ADGRL3: variants seen among roughly 807,000 people sequenced by gnomAD.
The protein encoded by ADGRL3 is calcium-independent alpha-latrotoxin receptor 3.
A neutral mutation model predicts 153.5 loss-of-function variants in ADGRL3; 62 were observed. That is an observed-to-expected ratio of 0.40 (90% CI 0.33 to 0.50). The LOEUF is 0.50. ADGRL3 is among the 20% of genes least tolerant of loss of function. The probability of loss-of-function intolerance (pLI) is 0.47; values close to 1 mark genes in which losing one functional copy is unlikely to be tolerated. For synonymous variants in ADGRL3, 710 were observed against 672.5 expected (o/e 1.06, Z -0.86); for missense variants, 1,641 against 1,859.4 (o/e 0.88, Z 2.16).
chr4:61,379,269 C>G (rs1321888310), intron 1 of ADGRL3, among the ~76,000 whole-genome samples: 1 of 151,812 alleles, frequency 6.6e-6, no homozygotes. Context: ...GGTGGACTGT[C>G]GTAAATGTGA....
intron 8 of ADGRL3, among the ~76,000 whole-genome samples, chr4:61,763,635 A>C (rs2096939308): frequency 6.6e-6 from 1 of 152,130 alleles, no homozygotes; most frequent in South Asian, 2.1e-4. Context: ...TAGTTTCTTT[A>C]TACTGTATAA....
intron 5 of ADGRL3, among the ~76,000 whole-genome samples, chr4:61,612,397 GC>G: frequency 6.6e-6 from 1 of 152,220 alleles, no homozygotes; most frequent in Middle Eastern, 3.4e-3. Context: ...AGGCTCACCA[GC>G]CACTAGATGG....
At chr4:61,427,481 G>A (rs756142900) in intron 2 of ADGRL3, 4 of 153,418 alleles carry the variant, frequency 2.6e-5, no homozygotes, top group Non-Finnish European at 4.4e-5. Context: ...AAGCATCCAG[G>A]TAGATAGGGG....
chr4:61,209,057 T>C (rs926180873), intron 1 of ADGRL3, among the ~76,000 whole-genome samples: 2 of 152,192 alleles, frequency 1.3e-5, no homozygotes, highest in African/African-American at 4.8e-5. Flanking sequence ...AAGTTATAGA[T>C]GTATTTATAA....
intron 6 of ADGRL3, among the ~76,000 whole-genome samples, chr4:61,729,185 G>A (rs2096398889): frequency 6.6e-6 from 1 of 151,722 alleles, no homozygotes; most frequent in African/African-American, 2.4e-5. Flanking sequence ...ACCTGTACAT[G>A]TACCCCCGAT....
intron 1 of ADGRL3, among the ~76,000 whole-genome samples, chr4:61,374,837 A>T (rs2096584870): frequency 6.6e-6 from 1 of 151,914 alleles, no homozygotes; most frequent in South Asian, 2.1e-4. Context: ...CACTTCTCAG[A>T]AGCTTTTTAA....
chr4:61,988,941 A>C (rs1296930160), intron 19 of ADGRL3, among the ~76,000 whole-genome samples: 2 of 152,222 alleles, frequency 1.3e-5, no homozygotes, highest in East Asian at 3.9e-4. Flanking sequence ...ATTGAAATCA[A>C]ATTTTATGAT....
chr4:61,646,957 A>T (rs1277537507), intron 5 of ADGRL3, among the ~76,000 whole-genome samples: 1 of 152,206 alleles, frequency 6.6e-6, no homozygotes, highest in Non-Finnish European at 1.5e-5. Flanking sequence ...CCTCCGAGCC[A>T]GGTGCGGATA....
intron 1 of ADGRL3, among the ~76,000 whole-genome samples, chr4:61,363,739 G>A (rs1475884096): frequency 6.6e-6 from 1 of 152,078 alleles, no homozygotes; most frequent in Non-Finnish European, 1.5e-5. Context: ...GCTAGAGATA[G>A]TTCTGGATAG....
intron 10 of ADGRL3, among the ~76,000 whole-genome samples, chr4:61,894,965 C>T (rs1159716853): frequency 6.6e-6 from 1 of 152,178 alleles, no homozygotes; most frequent in African/African-American, 2.4e-5. Context: ...AAATACAACT[C>T]CCCAGTCCAG....
At chr4:61,457,898 A>ATAGG (rs2097772097) in intron 2 of ADGRL3, among the ~76,000 whole-genome samples, 1 of 151,734 alleles carries the variant, frequency 6.6e-6, no homozygotes, top group Non-Finnish European at 1.5e-5. Flanking sequence ...AGATAGATAG[A>ATAGG]TAGATGCAGC....
intron 2 of ADGRL3, among the ~76,000 whole-genome samples, chr4:61,432,638 CTTTCTTTCTTTCTTTCTTTTTTT>C (rs2097381099): frequency 1.3e-4 from 3 of 23,926 alleles, no homozygotes; most frequent in African/African-American, 1.2e-4. Context: ...TTCTTTCTTT[CTTTCTTTCTTTCTTTCTTTTTTT>C]TTTTTTTTTG....
chr4:61,613,988 G>A (rs1489735024), intron 5 of ADGRL3, among the ~76,000 whole-genome samples: 2 of 152,006 alleles, frequency 1.3e-5, no homozygotes, highest in African/African-American at 2.4e-5. Context: ...AAACTTTAGC[G>A]GTAAGGATGG....
At chr4:61,743,509 C>G (rs1421273894) in intron 8 of ADGRL3, among the ~76,000 whole-genome samples, 1 of 151,660 alleles carries the variant, frequency 6.6e-6, no homozygotes, top group Non-Finnish European at 1.5e-5. Context: ...GAAAATAGTA[C>G]TATATTTAGA....
intron 4 of ADGRL3, among the ~76,000 whole-genome samples, chr4:61,580,999 A>G (rs1268584306): frequency 5.3e-5 from 8 of 152,056 alleles, no homozygotes; most frequent in Non-Finnish European, 1.2e-4. Flanking sequence ...TAAAATTGCC[A>G]CGTGTGTTGA....
chr4:61,912,901 G>A (rs751065193), intron 13 of ADGRL3, 144 bp downstream of exon 13: 2 of 727,026 alleles, frequency 2.8e-6, no homozygotes, highest in South Asian at 1.8e-5. Context: ...GGAACAGAAA[G>A]CATGAAAGCA....
chr4:61,465,893 G>A (rs1451859335), intron 2 of ADGRL3, among the ~76,000 whole-genome samples: 2 of 151,550 alleles, frequency 1.3e-5, no homozygotes, highest in Non-Finnish European at 2.9e-5. Flanking sequence ...AGGCCTATGC[G>A]GGTGGATTGC....
chr4:61,239,075 G>A (rs746651068), intron 1 of ADGRL3, among the ~76,000 whole-genome samples: 3 of 152,066 alleles, frequency 2.0e-5, no homozygotes, highest in Non-Finnish European at 4.4e-5. Context: ...CTCCTTCAAG[G>A]AATCCTTATA....
intron 6 of ADGRL3, among the ~76,000 whole-genome samples, chr4:61,704,792 T>C (rs1373069342): frequency 6.6e-6 from 1 of 152,240 alleles, no homozygotes; most frequent in Non-Finnish European, 1.5e-5. Flanking sequence ...ATTTCAACAA[T>C]GTTCACAACA....
Sources: gnomAD v4.1 joint callset for allele counts (sites outside exome capture counted in the v4.1 genomes callset) on GRCh38, gnomAD v4.1.1 for gene constraint, MANE v1.5 for transcripts, NCBI Gene and HGNC (gene_info 2026-07-23, HGNC 2026-07-21) for gene names.